Variants in FYB1 observed in about 807,000 individuals in gnomAD.
The protein encoded by FYB1 is FYN binding protein 1, also known as FYN-binding protein 1.
A neutral mutation model predicts 94.1 loss-of-function variants in FYB1; 41 were observed. That is an observed-to-expected ratio of 0.44 (90% CI 0.34 to 0.57). The LOEUF is 0.57. Ranked by LOEUF, FYB1 falls within the 20% of genes least tolerant of loss-of-function variation. The probability of loss-of-function intolerance (pLI) is 0.02; values close to 1 mark genes in which losing one functional copy is unlikely to be tolerated. For synonymous variants in FYB1, 367 were observed against 353.2 expected (o/e 1.04, Z -0.44); for missense variants, 1,050 against 976.8 (o/e 1.07, Z -1.00).
chr5:39,250,258 G>C (rs1751659496), intron 1 of FYB1, among the ~76,000 whole-genome samples: 1 of 152,212 alleles, frequency 6.6e-6, no homozygotes, highest in African/African-American at 2.4e-5. Context: ...AATGCTGAGG[G>C]AGGGCAGGCA....
In FYB1 at chr5:39,141,077, T is replaced by C. The variant is rs750008066; in HGVS notation, c.1339+18A>G. The C allele has an allele frequency of 6.5e-7, 1 of 1,536,256 alleles. No homozygotes were observed. The highest frequency in any genetic ancestry group is 1.2e-5 in the South Asian group (1 of 83,872). Reference sequence around the variant, plus strand: ...TGAGTTTACAAATAAATAAATAAAATATGTTTTTGTCGTTTACCATCAGAG... The same window carrying C: ...TGAGTTTACAAATAAATAAATAAAACATGTTTTTGTCGTTTACCATCAGAG... On this transcript the variant is annotated intron_variant, in intron 4 of 18. Transcript: ENST00000512982.
At chr5:39,248,868 C>T (rs1426801859) in intron 1 of FYB1, among the ~76,000 whole-genome samples, 1 of 152,148 alleles carries the variant, frequency 6.6e-6, no homozygotes, top group Non-Finnish European at 1.5e-5. Context: ...CTTAAATATT[C>T]CCCTTAGAAT....
intron 12 of FYB1, among the ~76,000 whole-genome samples, chr5:39,124,911 C>T (rs906171261): frequency 1.6e-5 from 2 of 124,706 alleles, no homozygotes; most frequent in Non-Finnish European, 3.2e-5. Context: ...CTTCTAAATA[C>T]ACTCCACACA....
chr5:39,225,115 A>G (rs1750416499), intron 1 of FYB1, among the ~76,000 whole-genome samples: 1 of 152,198 alleles, frequency 6.6e-6, no homozygotes, highest in African/African-American at 2.4e-5. Flanking sequence ...ATTTTCTGCC[A>G]TGCAGAAGAG....
Position 39,168,768 on chromosome 5 carries a change from C to A in FYB1, c.1136-15164G>T, listed in dbSNP as rs550902233. ...TAATAGTCAATTGGTGAAATGAACA[C>A]ATAATTAATGAATATGTAATAATCA... On this transcript the variant is annotated intron_variant, in intron 2 of 18. Coordinates refer to ENST00000512982, the MANE Select transcript of FYB1 (RefSeq NM_001465.6). 1.1e-3 allele frequency among the ~76,000 whole-genome samples: 165 copies of A among 152,022 alleles called. 2 individuals carry two copies. The highest frequency in any genetic ancestry group is 3.9e-3 in the African/African-American group (160 of 41,412).
rs114751175 is a variant in FYB1, at chr5:39,261,585, A to G, written c.-28+12818T>C. 6.2e-3 allele frequency among the ~76,000 whole-genome samples: 946 copies of G among 152,208 alleles called. 13 individuals carry two copies. The highest frequency in any genetic ancestry group is 0.022 in the African/African-American group (911 of 41,518). On this transcript the variant is annotated intron_variant, in intron 1 of 1. Coordinates refer to the FYB1 transcript ENST00000510188. ...AACGTGGTGAAACCCCATTTCTACT[A>G]AAAGGACAAAGATTAGCCAAGTGTG...
intron 1 of FYB1, among the ~76,000 whole-genome samples, chr5:39,248,525 T>C (rs1249049080): frequency 6.6e-6 from 1 of 151,842 alleles, no homozygotes; most frequent in Non-Finnish European, 1.5e-5. Flanking sequence ...TAATGCTAAG[T>C]GAAATAAGCC....
At chr5:39,159,799 T>A (rs1261448713) in intron 2 of FYB1, among the ~76,000 whole-genome samples, 2 of 152,200 alleles carry the variant, frequency 1.3e-5, no homozygotes, top group Non-Finnish European at 2.9e-5. Context: ...CTCCCTTTAT[T>A]ATTAACTCCT....
chr5:39,256,692 T>C (rs999654418), intron 1 of FYB1, among the ~76,000 whole-genome samples: 2 of 152,286 alleles, frequency 1.3e-5, no homozygotes, highest in East Asian at 3.9e-4. Context: ...TGTCTTCCCC[T>C]TCTCTGCCTC....
chr5:39,172,013 G>A (rs927737788), intron 2 of FYB1, among the ~76,000 whole-genome samples: 3 of 152,168 alleles, frequency 2.0e-5, no homozygotes, highest in Admixed American at 6.5e-5. Flanking sequence ...ATATTGAAAA[G>A]ATTGGGGAAA....
intron 1 of FYB1, among the ~76,000 whole-genome samples, chr5:39,242,238 T>C (rs993644641): frequency 1.2e-4 from 19 of 152,058 alleles, no homozygotes; most frequent in African/African-American, 4.3e-4. Context: ...GTGCTGCACC[T>C]ATTAACTTGT....
chr5:39,218,934 C>T (rs1157764479), intron 1 of FYB1, among the ~76,000 whole-genome samples: 1 of 152,210 alleles, frequency 6.6e-6, no homozygotes, highest in Non-Finnish European at 1.5e-5. Flanking sequence ...AGGCATAATT[C>T]ATGGCAGTAT....
intron 3 of FYB1, among the ~76,000 whole-genome samples, chr5:39,146,077 G>A (rs539704720): frequency 1.3e-5 from 2 of 151,558 alleles, no homozygotes; most frequent in African/African-American, 4.9e-5. Flanking sequence ...ACCATGCCCG[G>A]CTAATTTTTG....
In FYB1 at chr5:39,176,137, G is replaced by GTT. The variant is rs70982547; in HGVS notation, c.1136-22535_1136-22534dup. ...GAGAATCCCAAGTCATTTTTTTTCT[G>GTT]TTTTTTTTTTTTTTTTTTTTTTTTT... is the stretch of plus-strand genomic sequence containing the variant. On this transcript the variant is annotated intron_variant, in intron 2 of 18. Coordinates refer to ENST00000512982, the MANE Select transcript of FYB1 (RefSeq NM_001465.6). Among the ~76,000 whole-genome samples the GTT allele has an allele frequency of 8.0e-3, 493 of 61,612 alleles. 26 individuals are homozygous for GTT. The highest frequency in any genetic ancestry group is 0.024 in the African/African-American group (427 of 17,554). The allele number at this position is 61,612 out of a possible 152,430, so 40.4% of individuals were successfully genotyped here. A position where few individuals can be genotyped will look rare whatever the true frequency, so the allele number is the denominator to read the frequency against.
intron 3 of FYB1, among the ~76,000 whole-genome samples, chr5:39,151,578 C>T (rs1234256506): frequency 6.6e-6 from 1 of 152,176 alleles, no homozygotes; most frequent in Non-Finnish European, 1.5e-5. Context: ...GTGTGAGCCA[C>T]CATGCCCAGC....
At chr5:39,121,930 AG>A (rs1245257522) in intron 14 of FYB1, among the ~76,000 whole-genome samples, 2 of 152,176 alleles carry the variant, frequency 1.3e-5, no homozygotes, top group Non-Finnish European at 2.9e-5. Context: ...CAAGAAAAAA[AG>A]GTTTGGGGAA....
chr5:39,187,144 C>G (rs1004897764), intron 2 of FYB1, among the ~76,000 whole-genome samples: 2 of 152,094 alleles, frequency 1.3e-5, no homozygotes, highest in African/African-American at 4.8e-5. Context: ...GTTCTCCTAT[C>G]AACTTCAAAG....
chr5:39,247,251 T>C (rs1751522323), intron 1 of FYB1, among the ~76,000 whole-genome samples: 2 of 151,658 alleles, frequency 1.3e-5, no homozygotes, highest in African/African-American at 4.8e-5. Flanking sequence ...GGATTATAGT[T>C]CCCAGATACT....
At chr5:39,157,342 A>T (rs532250611) in intron 2 of FYB1, among the ~76,000 whole-genome samples, 38 of 152,308 alleles carry the variant, frequency 2.5e-4, no homozygotes, top group African/African-American at 8.7e-4. Flanking sequence ...GTGTGATTTT[A>T]TGAGTGTTTT....
Sources: gnomAD v4.1 joint callset for allele counts (sites outside exome capture counted in the v4.1 genomes callset) on GRCh38, gnomAD v4.1.1 for gene constraint, MANE v1.5 for transcripts, NCBI Gene and HGNC (gene_info 2026-07-23, HGNC 2026-07-21) for gene names.